The following PTPRJ variants were observed in gnomAD, a reference collection of about 807,000 sequenced individuals.
The protein encoded by PTPRJ is protein tyrosine phosphatase receptor type J, also known as receptor-type tyrosine-protein phosphatase eta.
Under a neutral mutation model 141.3 loss-of-function variants are expected in PTPRJ, and 129 were observed. The observed-to-expected ratio is 0.91, with a 90% CI of 0.79 to 1.06. The LOEUF (loss-of-function observed/expected upper bound fraction) is 1.06, where lower values mean the gene tolerates loss of function less well. Ranked by LOEUF, PTPRJ falls within the 50% of genes least tolerant of loss-of-function variation. The pLI is 0.00. For missense variants in PTPRJ, 1,601 were observed against 1,679.7 expected (o/e 0.95, Z 0.82); for synonymous variants, 610 against 640.5 (o/e 0.95, Z 0.72).
chr11:48,105,324 A>ACCTGGGG (rs895050997), intron 1 of PTPRJ, among the ~76,000 whole-genome samples: 6 of 151,896 alleles, frequency 4.0e-5, no homozygotes, highest in African/African-American at 1.2e-4. Context: ...TTGGCACCTA[A>ACCTGGGG]CCTGGGGCCT....
chr11:48,075,862 A>C (rs769223004), intron 1 of PTPRJ, among the ~76,000 whole-genome samples: 9 of 152,054 alleles, frequency 5.9e-5, no homozygotes, highest in Non-Finnish European at 1.0e-4. Flanking sequence ...ATTCCCTGAG[A>C]TGTAGCCGGA....
At position 48,127,806 on chromosome 11, in the gene PTPRJ, G is replaced by A. The variant is rs1260334726; in HGVS notation, c.1120G>A (p.Ala374Thr). Residue 374 changes from alanine to threonine, a missense_variant, in exon 7 of 25, where the codon GCT becomes ACT. Physicochemically the swap from Ala to Thr is moderately conservative, Grantham distance 58 (BLOSUM62 0). Coordinates refer to ENST00000418331, the MANE Select transcript of PTPRJ (RefSeq NM_002843.4). ...TGCTATTCAGGTTTTTGACGTCACC[G>A]CTGTGAACATCAGTGCCACAAGCCT... The part of the protein sequence containing the change: ...TNAIQVFDVT[A>T]VNISATSLTL... The A allele has an allele frequency of 4.3e-6, 7 of 1,613,990 alleles. No homozygotes were observed. Among genetic ancestry groups the A allele is most frequent in the Middle Eastern group, 1.6e-4 (1 of 6,080 alleles).
At chr11:48,131,070 ATTTTTTTTTTTTT>A (rs71045547) in intron 8 of PTPRJ, among the ~76,000 whole-genome samples, 7 of 46,568 alleles carry the variant, frequency 1.5e-4, no homozygotes, top group African/African-American at 4.8e-4. Context: ...ATATATATAT[ATTTTTTTTTTTTT>A]TTTTTTTTTT....
chr11:48,078,051 T>G (rs1028932605), intron 1 of PTPRJ, among the ~76,000 whole-genome samples: 1 of 152,004 alleles, frequency 6.6e-6, no homozygotes, highest in Non-Finnish European at 1.5e-5. Context: ...TCAGTGTTTT[T>G]TTTTTCTTTT....
intron 1 of PTPRJ, among the ~76,000 whole-genome samples, chr11:48,025,844 C>T (rs1229857357): frequency 1.3e-5 from 2 of 152,228 alleles, no homozygotes; most frequent in African/African-American, 4.8e-5. Context: ...CTCCAGACTG[C>T]CCAGGCTGCA....
At position 48,123,637 on chromosome 11, in the gene PTPRJ, G is replaced by A. The variant is rs1037666641; in HGVS notation, c.641G>A (p.Arg214His). ...GAGCCGATCCCAGTTTCTGATCTCC[G>A]TGTTGCCCTCACGGGTGTGAGGAAG... ...ITEPIPVSDL[R>H]VALTGVRKAA... Residue 214 changes from arginine (R) to histidine (H), a missense_variant, in exon 5 of 25, where the codon CGT becomes CAT. By Grantham distance (29) the Arg-to-His change is conservative. Coordinates refer to ENST00000418331, the MANE Select transcript of PTPRJ (RefSeq NM_002843.4). The A allele has an allele frequency of 6.8e-6, 11 of 1,613,964 alleles. No homozygotes were observed. Among genetic ancestry groups the A allele is most frequent in the South Asian group, 3.3e-5 (3 of 91,066 alleles).
rs374974355 is a variant in PTPRJ at position 48,159,910 on chromosome 11, A to C, written c.3439-20A>C. On this transcript the variant is annotated intron_variant, in intron 21 of 24. Transcript: ENST00000418331. ...ATGGCATGATCTGAGTCTTCTTATA[A>C]AAATGCAATTTTGTTCTAGACCAAA... 190 of 1,612,446 alleles carry C rather than the reference A, an allele frequency of 1.2e-4. No individual in the cohort carries two copies. In the Middle Eastern group the frequency reaches 1.8e-3, roughly 15 times the overall value.
At position 47,980,704 on chromosome 11, in the gene PTPRJ, G is replaced by C; in HGVS notation, c.-209G>C. ...GGGACGCGGCCCCCCCGCGGCAGCC[G>C]CGCTAGGCTCCGGCGTGTGGCCGCG... On this transcript the variant is annotated 5_prime_UTR_variant, in exon 1 of 25. Coordinates refer to ENST00000418331, the MANE Select transcript of PTPRJ (RefSeq NM_002843.4). The C allele has an allele frequency of 1.0e-6, 1 of 994,646 alleles. No individual in the cohort carries two copies. Among genetic ancestry groups the C allele is most frequent in the Non-Finnish European group, 1.2e-6 (1 of 837,566 alleles). 61.6% of individuals were successfully genotyped at this position (994,646 alleles called of 1,614,324 possible).
chr11:47,981,287 C>T (rs1853898939), intron 1 of PTPRJ, among the ~76,000 whole-genome samples: 1 of 152,174 alleles, frequency 6.6e-6, no homozygotes, highest in South Asian at 2.1e-4. Context: ...TCCAGGCCGT[C>T]CCTGGCCCGG....
chr11:48,051,446 C>A (rs558992489), intron 1 of PTPRJ, among the ~76,000 whole-genome samples: 4 of 152,270 alleles, frequency 2.6e-5, no homozygotes, highest in East Asian at 3.9e-4. Context: ...CTTTTCCCCC[C>A]ACCCATGGCA....
chr11:48,079,716 G>T (rs1284778544), intron 1 of PTPRJ, among the ~76,000 whole-genome samples: 11 of 152,158 alleles, frequency 7.2e-5, no homozygotes, highest in Non-Finnish European at 2.9e-5. Context: ...GACCTAAGGT[G>T]TTGGAGCTCT....
At chr11:48,019,119 C>T (rs370286951) in intron 1 of PTPRJ, among the ~76,000 whole-genome samples, 6 of 152,190 alleles carry the variant, frequency 3.9e-5, no homozygotes, top group African/African-American at 1.4e-4. Context: ...CCCTTCCAGG[C>T]TGCCAAGAGT....
chr11:47,998,425 G>A (rs756963508), intron 1 of PTPRJ, among the ~76,000 whole-genome samples: 1 of 152,186 alleles, frequency 6.6e-6, no homozygotes, highest in African/African-American at 2.4e-5. Context: ...TACCACATGT[G>A]CTCCAAAACT....
chr11:48,165,680 TG>T (rs1385633218), intron 24 of PTPRJ, among the ~76,000 whole-genome samples: 1 of 152,128 alleles, frequency 6.6e-6, no homozygotes, highest in Non-Finnish European at 1.5e-5. Flanking sequence ...TCAACTCCTG[TG>T]TTGGTCAAAA....
chr11:48,023,317 C>G (rs1274718634), intron 1 of PTPRJ, among the ~76,000 whole-genome samples: 1 of 152,156 alleles, frequency 6.6e-6, no homozygotes, highest in Non-Finnish European at 1.5e-5. Flanking sequence ...TTTTTCCTTT[C>G]CATTCTAATA....
chr11:48,000,848 T>C (rs772229210), intron 1 of PTPRJ, among the ~76,000 whole-genome samples: 11 of 152,098 alleles, frequency 7.2e-5, no homozygotes, highest in Non-Finnish European at 8.8e-5. Flanking sequence ...TATGTCTGAT[T>C]TCCTTATGTG....
chr11:48,134,569 C>G (rs1406403839), intron 8 of PTPRJ, among the ~76,000 whole-genome samples: 1 of 152,140 alleles, frequency 6.6e-6, no homozygotes, highest in Admixed American at 6.5e-5. Flanking sequence ...GTAGATAGTA[C>G]GTAAACATGG....
chr11:48,012,367 A>G (rs11601764), intron 1 of PTPRJ, among the ~76,000 whole-genome samples: 7,562 of 152,100 alleles, frequency 0.05, 165 homozygotes, highest in Middle Eastern at 0.071. Context: ...CAGTCACCCA[A>G]AGTGCTGCCC....
intron 1 of PTPRJ, among the ~76,000 whole-genome samples, chr11:48,004,789 A>G (rs893310363): frequency 6.6e-6 from 1 of 152,210 alleles, no homozygotes; most frequent in Non-Finnish European, 1.5e-5. Context: ...CTTGTAGAGA[A>G]TGAGGTATCA....
Sources: allele counts gnomAD v4.1 joint callset (sites outside exome capture counted in the v4.1 genomes callset), GRCh38; gene constraint gnomAD v4.1.1; transcripts MANE v1.5; gene names NCBI Gene and HGNC (gene_info 2026-07-23, HGNC 2026-07-21).